The following KIF3A variants were observed in gnomAD, a reference collection of about 807,000 sequenced individuals.
KIF3A encodes kinesin family member 3A.
A neutral mutation model predicts 92.6 loss-of-function variants in KIF3A; 27 were observed. The observed-to-expected ratio is 0.29, with a 90% CI of 0.21 to 0.40. The LOEUF (loss-of-function observed/expected upper bound fraction) is 0.40, where lower values mean the gene tolerates loss of function less well. Among genes scored for constraint, KIF3A ranks in the 10% least tolerant of loss-of-function variants. The pLI, the probability that KIF3A is intolerant of heterozygous loss-of-function variation, is 1.00. For synonymous variants in KIF3A, 250 were observed against 275.4 expected (o/e 0.91, Z 0.92); for missense variants, 581 against 872.6 (o/e 0.67, Z 4.21).
chr5:132,708,030 T>C (rs1253878707), intron 10 of KIF3A, among the ~76,000 whole-genome samples: 1 of 152,122 alleles, frequency 6.6e-6, no homozygotes, highest in Non-Finnish European at 1.5e-5. Flanking sequence ...ACGCCTATAA[T>C]CCCAGCACTT....
chr5:132,714,352 T>C (rs906254436), intron 8 of KIF3A, among the ~76,000 whole-genome samples: 4 of 152,192 alleles, frequency 2.6e-5, no homozygotes, highest in African/African-American at 9.7e-5. Context: ...GACGGATAAC[T>C]GCAGAACAAT....
chr5:132,691,861 C>G (rs1009614790), downstream of KIF3A, among the ~76,000 whole-genome samples: 1 of 151,238 alleles, frequency 6.6e-6, no homozygotes, highest in Non-Finnish European at 1.5e-5. Flanking sequence ...AAGACTGTGC[C>G]ACTGCACTCC....
chr5:132,730,458 C>T (rs1428829606), intron 2 of KIF3A, among the ~76,000 whole-genome samples: 1 of 146,412 alleles, frequency 6.8e-6, no homozygotes, highest in African/African-American at 2.6e-5. Context: ...CAGAGCAAGA[C>T]TCTGTCTCAA....
chr5:132,720,383 T>C (rs1290993997), intron 5 of KIF3A, among the ~76,000 whole-genome samples: 3 of 152,188 alleles, frequency 2.0e-5, no homozygotes, highest in Non-Finnish European at 4.4e-5. Flanking sequence ...GAGAGTTGCA[T>C]AGATTGGCGC....
chr5:132,702,777 C>CATAA, intron 13 of KIF3A, 108 bp downstream of exon 13: 1 of 1,290,588 alleles, frequency 7.7e-7, no homozygotes, highest in Non-Finnish European at 1.1e-6. Flanking sequence ...CAAAGCAATC[C>CATAA]ATAAATATGC....
intron 4 of KIF3A, among the ~76,000 whole-genome samples, chr5:132,725,321 A>C (rs1167417933): frequency 6.6e-6 from 1 of 152,178 alleles, no homozygotes; most frequent in Non-Finnish European, 1.5e-5. Context: ...CCAAAAACTC[A>C]GTTTATGCAG....
rs1401090674 is a variant in KIF3A at position 132,694,083 on chromosome 5, G to A, written c.*2551C>T. The A allele has an allele frequency of 2.6e-5, 4 of 151,584 alleles. No individual in the cohort carries two copies. Among genetic ancestry groups the A allele is most frequent in the Non-Finnish European group, 5.9e-5 (4 of 67,872 alleles). The allele number at this position is 151,584 out of a possible 1,614,324, so 9.4% of individuals were successfully genotyped here. On this transcript the variant is annotated 3_prime_UTR_variant, in exon 19 of 19. Transcript: ENST00000403231. ...CTGGTATAATCAGTTTTAACATAATGCTTTTTTTAAAAAACTGCTATAGTA... is the reference window on the plus strand; with the variant it reads ...CTGGTATAATCAGTTTTAACATAATACTTTTTTTAAAAAACTGCTATAGTA...
chr5:132,688,978 G>A (rs776748004), downstream of KIF3A, among the ~76,000 whole-genome samples: 41 of 152,152 alleles, frequency 2.7e-4, no homozygotes, highest in Non-Finnish European at 5.4e-4. Context: ...ATATTCTTTA[G>A]TCAGAGCCAT....
chr5:132,689,554 T>C (rs778313493), downstream of KIF3A: 1 of 152,100 alleles, frequency 6.6e-6, no homozygotes, highest in South Asian at 2.1e-4. Flanking sequence ...GGGGAGAAAA[T>C]AGTCTGATAT....
Position 132,732,909 on chromosome 5 carries a change from C to CA in KIF3A, c.280+1295dup, listed in dbSNP as rs76049866. On this transcript the variant is annotated intron_variant, in intron 2 of 18. Transcript: ENST00000403231. The stretch of plus-strand genomic sequence containing the variant: ...GGGCGACAGAGCAAGACTCCGTCTC[C>CA]AAAAAAAAAAAAAAAGTAATGAATT... Among the ~76,000 whole-genome samples, 710 of 109,090 alleles carry CA rather than the reference C, an allele frequency of 6.5e-3. 2 individuals carry two copies. Among genetic ancestry groups the CA allele is most frequent in the African/African-American group, 0.018 (526 of 28,928 alleles). 71.6% of individuals were successfully genotyped at this position (109,090 alleles called of 152,430 possible).
chr5:132,698,863 C>T (rs574473851), intron 18 of KIF3A, among the ~76,000 whole-genome samples: 19 of 151,746 alleles, frequency 1.3e-4, no homozygotes, highest in African/African-American at 4.6e-4. Flanking sequence ...TCAGCCTCCC[C>T]AGTAGCTGGG....
intron 2 of KIF3A, among the ~76,000 whole-genome samples, chr5:132,730,939 CCAGCCTGGGTAACAGAGTGAGA>C (rs1303621557): frequency 2.0e-5 from 3 of 152,128 alleles, no homozygotes; most frequent in Non-Finnish European, 4.4e-5. Flanking sequence ...CCACTGTACT[CCAGCCTGGGTAACAGAGTGAGA>C]CCCTGATTTA....
Position 132,702,111 on chromosome 5 carries a change from A to G in KIF3A, c.1860T>C (p.Asp620=). ...CCTGATAATCCCGAGGTATAAAGTT[A>G]TCAATAATAAGCATCTGAAGTCGAA... ...RELRLQMLII[D]NFIPRDYQEM... The change falls in exon 15 of 19, where the codon GAT becomes GAC. Residue 620 remains aspartate, a synonymous_variant. Transcript: ENST00000403231. 1 of 1,613,378 alleles carries G rather than the reference A, an allele frequency of 6.2e-7. No individual in the cohort carries two copies.
chr5:132,718,171 G>T (rs763355107), intron 5 of KIF3A, among the ~76,000 whole-genome samples: 8 of 152,168 alleles, frequency 5.3e-5, no homozygotes, highest in Non-Finnish European at 1.0e-4. Flanking sequence ...TAAATATATG[G>T]TTTAACAATT....
intron 18 of KIF3A, among the ~76,000 whole-genome samples, chr5:132,698,930 G>A (rs1286143312): frequency 1.3e-5 from 2 of 151,922 alleles, no homozygotes; most frequent in African/African-American, 4.8e-5. Flanking sequence ...TAGAGACAGC[G>A]TTTCACTATG....
chr5:132,736,498 CTCTT>C (rs1754393319), intron 1 of KIF3A, among the ~76,000 whole-genome samples: 1 of 152,224 alleles, frequency 6.6e-6, no homozygotes, highest in Non-Finnish European at 1.5e-5. Flanking sequence ...GCAAGCCTCT[CTCTT>C]TCCAAGTTCA....
intron 9 of KIF3A, among the ~76,000 whole-genome samples, chr5:132,709,436 T>C (rs1002908515): frequency 3.3e-5 from 5 of 152,146 alleles, no homozygotes; most frequent in African/African-American, 4.8e-5. Context: ...CCACTTTCAG[T>C]CTCTCCCTCC....
intron 4 of KIF3A, among the ~76,000 whole-genome samples, chr5:132,724,814 TATATATATA>T (rs1753972891): frequency 3.0e-3 from 41 of 13,724 alleles, no homozygotes; most frequent in African/African-American, 5.7e-3. Context: ...AAAATATATA[TATATATATA>T]TATATATATA....
At chr5:132,712,832 C>T (rs1465525634) in intron 8 of KIF3A, among the ~76,000 whole-genome samples, 5 of 152,144 alleles carry the variant, frequency 3.3e-5, no homozygotes, top group African/African-American at 4.8e-5. Context: ...GGGAATTAGA[C>T]TGAAGAACAA....
Sources: allele counts gnomAD v4.1 joint callset (sites outside exome capture counted in the v4.1 genomes callset), GRCh38; gene constraint gnomAD v4.1.1; transcripts MANE v1.5; gene names NCBI Gene and HGNC (gene_info 2026-07-23, HGNC 2026-07-21).